ATP8B4: variants seen among roughly 807,000 people sequenced by gnomAD.
The protein encoded by ATP8B4 is probable phospholipid-transporting ATPase IM.
In ATP8B4, 133 loss-of-function variants were observed where a neutral mutation model predicts 145.6. That is an observed-to-expected ratio of 0.91 (90% confidence interval 0.79 to 1.05). The LOEUF (loss-of-function observed/expected upper bound fraction) is 1.05. Among genes scored for constraint, ATP8B4 ranks in the 50% least tolerant of loss-of-function variants. The pLI, the probability that ATP8B4 is intolerant of heterozygous loss-of-function variation, is 0.00. For synonymous variants in ATP8B4, 507 were observed against 492.9 expected (o/e 1.03, Z -0.38); for missense variants, 1,458 against 1,425.2 (o/e 1.02, Z -0.37).
chr15:50,020,045 AT>A (rs1250569108), intron 6 of ATP8B4, among the ~76,000 whole-genome samples: 1 of 151,762 alleles, frequency 6.6e-6, no homozygotes, highest in Non-Finnish European at 1.5e-5. Flanking sequence ...GCAGCCTTGA[AT>A]TTCCAGGCAT....
chr15:49,859,934 TA>T lies in ATP8B4; in HGVS notation c.*259del, dbSNP rs56272247. The T allele has an allele frequency of 0.11, 39,013 of 351,898 alleles. 1 individual carries two copies. The highest frequency in any genetic ancestry group is 0.24 in the East Asian group (5,008 of 20,676). 21.8% of individuals were successfully genotyped at this position (351,898 alleles called of 1,614,324 possible). A position where few individuals can be genotyped will look rare whatever the true frequency, so the allele number is the denominator to read the frequency against. ...AGGTCAATTGGTATCTAGGTTGATT[TA>T]AAAAAAAAAAAAATCTGTACTTGTA... On this transcript the variant is annotated 3_prime_UTR_variant, in exon 28 of 28. Coordinates refer to ENST00000284509, the MANE Select transcript of ATP8B4 (RefSeq NM_024837.4).
chr15:49,980,772 T>C (rs1332031144), intron 11 of ATP8B4, among the ~76,000 whole-genome samples: 1 of 152,146 alleles, frequency 6.6e-6, no homozygotes, highest in Non-Finnish European at 1.5e-5. Flanking sequence ...GCAACAGAAG[T>C]TGAATAAACC....
chr15:49,911,553 T>A (rs778063915), intron 20 of ATP8B4, among the ~76,000 whole-genome samples: 1 of 152,090 alleles, frequency 6.6e-6, no homozygotes, highest in Non-Finnish European at 1.5e-5. Flanking sequence ...TATCATTAGA[T>A]CTAAAGGGAG....
At chr15:49,974,113 G>A (rs867540604) in intron 12 of ATP8B4, among the ~76,000 whole-genome samples, 5 of 125,824 alleles carry the variant, frequency 4.0e-5, no homozygotes, top group Admixed American at 1.8e-4. Context: ...ACGGAGTTCC[G>A]CTCTTGTTGC....
At chr15:49,892,901 G>A (rs1418868591) in intron 23 of ATP8B4, among the ~76,000 whole-genome samples, 2 of 152,170 alleles carry the variant, frequency 1.3e-5, no homozygotes, top group Non-Finnish European at 1.5e-5. Flanking sequence ...ACTAGCCTAC[G>A]TCAACTTTGC....
intron 3 of ATP8B4, among the ~76,000 whole-genome samples, chr15:50,056,899 T>TA (rs2052649503): frequency 1.3e-5 from 2 of 152,150 alleles, no homozygotes; most frequent in Admixed American, 1.3e-4. Flanking sequence ...TTTATTTTTT[T>TA]ATTTTTTATT....
At chr15:50,177,706 A>T (rs1263939011) in intron 1 of ATP8B4, among the ~76,000 whole-genome samples, 1 of 152,212 alleles carries the variant, frequency 6.6e-6, no homozygotes, top group East Asian at 1.9e-4. Context: ...AGTAGTTCTC[A>T]AAGTATAGTC....
chr15:50,116,059 A>C (rs555094970), intron 1 of ATP8B4, among the ~76,000 whole-genome samples: 38 of 152,330 alleles, frequency 2.5e-4, no homozygotes, highest in African/African-American at 8.9e-4. Context: ...ATGGAGGAGC[A>C]ATGACAACTG....
In ATP8B4 at chr15:49,860,409, T is replaced by A. The variant is rs2031423003; in HGVS notation, c.3364A>T (p.Arg1122Trp). The A allele has an allele frequency of 6.2e-7, 1 of 1,614,010 alleles. No homozygotes were observed. Among genetic ancestry groups the A allele is most frequent in the African/African-American group, 1.3e-5 (1 of 74,930 alleles). ...PPSSRRPRTRRSSSRRSGYAF... is the reference protein window; with the variant it reads ...PPSSRRPRTRWSSSRRSGYAF... Reference sequence around the variant, plus strand: ...TATCCAGACCTTCTTGAGCTTGACCTGCGGGTCCGAGGCCTTCGGCTACTT... The same window carrying A: ...TATCCAGACCTTCTTGAGCTTGACCAGCGGGTCCGAGGCCTTCGGCTACTT... Residue 1122 changes from arginine to tryptophan, a missense_variant, in exon 28 of 28, where the codon AGG becomes TGG. Arg to Trp is a moderately radical substitution (Grantham distance 101, BLOSUM62 -3). Coordinates refer to ENST00000284509, the MANE Select transcript of ATP8B4 (RefSeq NM_024837.4).
rs140484788 is a variant in ATP8B4 at position 50,053,883 on chromosome 15, C to T, written c.88-6419G>A. Among the ~76,000 whole-genome samples, 503 of 152,056 alleles carry T rather than the reference C, an allele frequency of 3.3e-3. 3 individuals are homozygous for T. The highest frequency in any genetic ancestry group is 0.012 in the African/African-American group (487 of 41,472). On this transcript the variant is annotated intron_variant, in intron 3 of 27. Transcript: ENST00000284509. ...AAGTATATTGCTTAAGTAAACAAAG[C>T]AAATAGAAAATAACAAACTCTGCTA...
intron 3 of ATP8B4, among the ~76,000 whole-genome samples, chr15:50,054,254 C>G (rs1252904887): frequency 5.3e-5 from 8 of 152,174 alleles, no homozygotes; most frequent in African/African-American, 1.9e-4. Flanking sequence ...GGAGCACCCA[C>G]CATCTCCAAT....
At chr15:50,115,695 A>G (rs1285938757) in intron 1 of ATP8B4, among the ~76,000 whole-genome samples, 1 of 152,168 alleles carries the variant, frequency 6.6e-6, no homozygotes, top group Non-Finnish European at 1.5e-5. Flanking sequence ...ATTCTGAAAG[A>G]CAGGATCATC....
intron 9 of ATP8B4, among the ~76,000 whole-genome samples, chr15:49,995,265 TG>T: frequency 6.6e-6 from 1 of 152,244 alleles, no homozygotes; most frequent in Admixed American, 6.5e-5. Flanking sequence ...GGGAAAGAAA[TG>T]AGTAATAGTA....
intron 5 of ATP8B4, among the ~76,000 whole-genome samples, chr15:50,044,115 T>C (rs971619517): frequency 6.6e-6 from 1 of 152,240 alleles, no homozygotes; most frequent in Non-Finnish European, 1.5e-5. Flanking sequence ...TTTTTGACTG[T>C]ACAGGGAGTT....
At chr15:50,040,090 A>C (rs1157406179) in intron 5 of ATP8B4, among the ~76,000 whole-genome samples, 1 of 152,206 alleles carries the variant, frequency 6.6e-6, no homozygotes, top group Non-Finnish European at 1.5e-5. Context: ...CCTCCACCAT[A>C]TCTACACAGC....
At chr15:50,095,269 C>G (rs943623008) in intron 2 of ATP8B4, among the ~76,000 whole-genome samples, 1 of 151,968 alleles carries the variant, frequency 6.6e-6, no homozygotes, top group Non-Finnish European at 1.5e-5. Flanking sequence ...CCCAAAAAAT[C>G]AGAGACTGAA....
At chr15:49,881,107 G>A (rs1238183264) in intron 23 of ATP8B4, among the ~76,000 whole-genome samples, 2 of 143,892 alleles carry the variant, frequency 1.4e-5, no homozygotes, top group South Asian at 2.2e-4. Context: ...GCAAGACTCC[G>A]TCTCAAAACA....
At chr15:50,040,142 T>C (rs181517074) in intron 5 of ATP8B4, among the ~76,000 whole-genome samples, 7 of 152,246 alleles carry the variant, frequency 4.6e-5, no homozygotes, top group African/African-American at 1.2e-4. Flanking sequence ...AGTTGGGCTC[T>C]GTGGTCCCTG....
chr15:49,953,866 GCA>G (rs1433922881), intron 14 of ATP8B4, among the ~76,000 whole-genome samples: 1 of 152,170 alleles, frequency 6.6e-6, no homozygotes, highest in Non-Finnish European at 1.5e-5. Context: ...TGTGGAAAAA[GCA>G]CAGTTTCCCC....
Sources: gnomAD v4.1 joint callset for allele counts (sites outside exome capture counted in the v4.1 genomes callset) on GRCh38, gnomAD v4.1.1 for gene constraint, MANE v1.5 for transcripts, NCBI Gene and HGNC (gene_info 2026-07-23, HGNC 2026-07-21) for gene names.